CDKL1: variants seen among roughly 807,000 people sequenced by gnomAD.
The protein encoded by CDKL1 is cyclin dependent kinase like 1.
Under a neutral mutation model 42.0 loss-of-function variants are expected in CDKL1, and 41 were observed. The ratio of observed to expected loss-of-function variants is 0.98; its 90% CI spans 0.76 to 1.27. CDKL1 has a LOEUF of 1.27. Ranked by LOEUF, CDKL1 falls within the 50% of genes most tolerant of loss-of-function variation. The pLI, the probability that CDKL1 is intolerant of heterozygous loss-of-function variation, is 0.00. For synonymous variants in CDKL1, 153 were observed against 158.6 expected (o/e 0.96, Z 0.26); for missense variants, 394 against 428.4 (o/e 0.92, Z 0.71).
At chr14:50,367,829 T>C (rs1442914409) in intron 2 of CDKL1, among the ~76,000 whole-genome samples, 4 of 152,356 alleles carry the variant, frequency 2.6e-5, no homozygotes, top group East Asian at 1.9e-4. Flanking sequence ...TAATGCTCTA[T>C]CTAGAAGCAC....
At chr14:50,397,196 C>T, upstream of CDKL1, 4 of 1,366,620 alleles carry the variant, frequency 2.9e-6, no homozygotes, top group African/African-American at 1.5e-5. Flanking sequence ...TCCACATTTC[C>T]CTGCAACAGC....
Position 50,371,878 on chromosome 14 carries a change from C to T in CDKL1, c.169-12729G>A, listed in dbSNP as rs1040536529. 3.3e-5 allele frequency among the ~76,000 whole-genome samples: 5 copies of T among 152,348 alleles called. No individual in the cohort carries two copies. The East Asian group carries it at 7.7e-4, about 24-fold the overall frequency. On this transcript the variant is annotated intron_variant, in intron 2 of 9. Coordinates refer to ENST00000395834, the MANE Select transcript of CDKL1 (RefSeq NM_004196.7). Reference sequence around the variant, plus strand: ...CTCTCCCCACTCCTGGTGCCCACTCCGATTTCAGAGCAAAGTTATGGCCAA... The same window carrying T: ...CTCTCCCCACTCCTGGTGCCCACTCTGATTTCAGAGCAAAGTTATGGCCAA...
upstream of CDKL1, chr14:50,397,193 T>C: frequency 2.2e-6 from 3 of 1,366,562 alleles, no homozygotes; most frequent in South Asian, 1.1e-5. Context: ...CGGTCCACAT[T>C]TCCCTGCAAC....
chr14:50,342,274 G>T, intron 4 of CDKL1, 52 bp from the exon 5 acceptor site: 1 of 1,544,202 alleles, frequency 6.5e-7, no homozygotes. Flanking sequence ...CTATATATGG[G>T]ATAAATGAAA....
chr14:50,339,657 C>T (rs1378258151), intron 6 of CDKL1, among the ~76,000 whole-genome samples: 1 of 152,084 alleles, frequency 6.6e-6, no homozygotes, highest in Non-Finnish European at 1.5e-5. Flanking sequence ...ACATGGAAAT[C>T]CCATTTCATC....
intron 2 of CDKL1, among the ~76,000 whole-genome samples, chr14:50,369,620 A>G (rs2034533293): frequency 6.7e-6 from 1 of 150,264 alleles, no homozygotes; most frequent in African/African-American, 2.4e-5. Flanking sequence ...ACACACACAC[A>G]CACACACACA....
intron 2 of CDKL1, among the ~76,000 whole-genome samples, chr14:50,387,783 C>T (rs2035130865): frequency 6.6e-6 from 1 of 152,198 alleles, no homozygotes; most frequent in Non-Finnish European, 1.5e-5. Flanking sequence ...TATTAATTCA[C>T]CTCAACAAGC....
intron 2 of CDKL1, among the ~76,000 whole-genome samples, chr14:50,383,615 C>T (rs1194474879): frequency 1.3e-5 from 2 of 149,982 alleles, no homozygotes; most frequent in African/African-American, 4.9e-5. Flanking sequence ...AGAAATTTTA[C>T]AGGTTAGAAA....
intron 2 of CDKL1, among the ~76,000 whole-genome samples, chr14:50,371,767 C>T (rs567317902): frequency 2.5e-4 from 38 of 152,350 alleles, no homozygotes; most frequent in Admixed American, 2.3e-3. Context: ...TGGCTGCAGA[C>T]CCGGGCATGT....
chr14:50,376,610 G>A (rs1383461769), intron 2 of CDKL1, among the ~76,000 whole-genome samples: 2 of 151,986 alleles, frequency 1.3e-5, no homozygotes, highest in South Asian at 4.1e-4. Flanking sequence ...AAGCTACTGA[G>A]TAATTTTATA....
rs544719304 is a variant in CDKL1, at chr14:50,342,650, A to G, written c.364-428T>C. Reference sequence around the variant, plus strand: ...GTATTTAATCTGACAGTTTTAGGTGAAAGGGAAAATGTTGAAAGGTCCGGG... The same window carrying G: ...GTATTTAATCTGACAGTTTTAGGTGGAAGGGAAAATGTTGAAAGGTCCGGG... On this transcript the variant is annotated intron_variant, in intron 4 of 9. Transcript: ENST00000395834. The G allele has an allele frequency of 3.9e-5, 9 of 231,896 alleles. No individual in the cohort carries two copies. The South Asian group carries it at 6.5e-4, about 17-fold the overall frequency. 14.4% of individuals were successfully genotyped at this position (231,896 alleles called of 1,614,324 possible). A position where few individuals can be genotyped will look rare whatever the true frequency, so the allele number is the denominator to read the frequency against.
chr14:50,377,269 G>A (rs759317679), intron 2 of CDKL1, among the ~76,000 whole-genome samples: 1 of 152,132 alleles, frequency 6.6e-6, no homozygotes, highest in Non-Finnish European at 1.5e-5. Context: ...GCTGGGATTC[G>A]GTACTTGCAG....
In CDKL1 at chr14:50,396,059, G is replaced by A; in HGVS notation, c.-191C>T. The A allele has an allele frequency of 3.7e-6, 4 of 1,067,632 alleles. No individual in the cohort carries two copies. Among genetic ancestry groups the A allele is most frequent in the East Asian group, 3.4e-5 (1 of 29,610 alleles). 66.1% of individuals were successfully genotyped at this position (1,067,632 alleles called of 1,614,324 possible). ...AAATTAGCCGGGTGTGGTGATGGGC[G>A]CCCGTAGTCCCAGCAACTCAGGAGA... On this transcript the variant is annotated 5_prime_UTR_variant, in exon 2 of 10. Transcript: ENST00000395834.
intron 2 of CDKL1, among the ~76,000 whole-genome samples, chr14:50,365,591 C>G (rs1372604934): frequency 6.6e-6 from 1 of 152,144 alleles, no homozygotes; most frequent in African/African-American, 2.4e-5. Flanking sequence ...TGAAGCCAGT[C>G]CCCGTCTAGC....
At chr14:50,384,651 A>T (rs1486037048) in intron 2 of CDKL1, among the ~76,000 whole-genome samples, 1 of 143,390 alleles carries the variant, frequency 7.0e-6, no homozygotes. Context: ...TATGAAAAGG[A>T]GGGGTGGGGG....
intron 2 of CDKL1, chr14:50,377,525 C>A (rs771198889): frequency 7.8e-7 from 1 of 1,277,406 alleles, no homozygotes; most frequent in Non-Finnish European, 1.0e-6. Flanking sequence ...GGTGCACAGT[C>A]TAAGACCATT....
intron 2 of CDKL1, among the ~76,000 whole-genome samples, chr14:50,380,802 C>CTTTGTTTTTGTTTTTT (rs368170212): frequency 2.2e-5 from 3 of 134,602 alleles, no homozygotes; most frequent in African/African-American, 2.7e-5. Context: ...CTGTGACTTC[C>CTTTGTTTTTGTTTTTT]TTTTTTTTTT....
intron 7 of CDKL1, among the ~76,000 whole-genome samples, chr14:50,337,711 G>A (rs1463192057): frequency 6.7e-6 from 1 of 149,538 alleles, no homozygotes; most frequent in Non-Finnish European, 1.5e-5. Flanking sequence ...CGGAGACAGG[G>A]TCTTACTCCT....
At chr14:50,339,243 A>T (rs2139389278) in intron 6 of CDKL1, among the ~76,000 whole-genome samples, 1 of 152,062 alleles carries the variant, frequency 6.6e-6, no homozygotes, top group African/African-American at 2.4e-5. Flanking sequence ...GGAGGCAAGC[A>T]ACAGAAACTG....
Sources: gnomAD v4.1 joint callset for allele counts (sites outside exome capture counted in the v4.1 genomes callset) on GRCh38, gnomAD v4.1.1 for gene constraint, MANE v1.5 for transcripts, NCBI Gene and HGNC (gene_info 2026-07-23, HGNC 2026-07-21) for gene names.